PLD5: variants seen among roughly 807,000 people sequenced by gnomAD.
The protein encoded by PLD5 is phospholipase D family member 5.
In PLD5, 36 loss-of-function variants were observed where a neutral mutation model predicts 61.1. That is an observed-to-expected ratio of 0.59 (90% CI 0.45 to 0.78). The LOEUF (loss-of-function observed/expected upper bound fraction) is 0.78, where lower values mean the gene tolerates loss of function less well. Among genes scored for constraint, PLD5 ranks in the 30% least tolerant of loss-of-function variants. The pLI is 0.00. For missense variants in PLD5, 515 were observed against 644.4 expected, an observed-to-expected ratio of 0.80 and a Z score of 2.17; for synonymous variants, 243 against 242.8, an observed-to-expected ratio of 1.00 and a Z score of -0.01.
intron 3 of PLD5, among the ~76,000 whole-genome samples, chr1:242,280,680 C>T (rs1394634940): frequency 6.6e-6 from 1 of 152,064 alleles, no homozygotes; most frequent in Admixed American, 6.6e-5. Flanking sequence ...ACCAACTATG[C>T]CAATCTTTTT....
chr1:242,206,904 T>C (rs1669350978), intron 5 of PLD5, among the ~76,000 whole-genome samples: 1 of 152,174 alleles, frequency 6.6e-6, no homozygotes, highest in Non-Finnish European at 1.5e-5. Flanking sequence ...ATGAGATTTA[T>C]CTTAAGGAAT....
intron 7 of PLD5, among the ~76,000 whole-genome samples, chr1:242,112,720 A>G (rs1049726928): frequency 6.6e-6 from 1 of 152,142 alleles, no homozygotes; most frequent in Non-Finnish European, 1.5e-5. Context: ...GGCACACTTA[A>G]TCATTTAGCC....
In PLD5 at chr1:242,422,968, C is replaced by T. The variant is rs993331427; in HGVS notation, c.190-74726G>A. Among the ~76,000 whole-genome samples the T allele has an allele frequency of 2.6e-5, 4 of 151,808 alleles. No homozygotes were observed. In the East Asian group the frequency reaches 5.8e-4, roughly 22 times the overall value. On this transcript the variant is annotated intron_variant, in intron 1 of 9. Coordinates refer to ENST00000536534, the MANE Select transcript of PLD5 (RefSeq NM_001372062.1). ...GGCTCAAGTGATCCTCCCACCTCAG[C>T]CTCCCTAGTAGCTAGGATTATAGGT...
In PLD5 at chr1:242,256,821, T is replaced by C. The variant is rs142062495; in HGVS notation, c.607+8516A>G. ...ATTAATATCTATCTTTCTATGTATC[T>C]GTCATCTATTTCTTTCTTTCTGTGT... is the stretch of plus-strand genomic sequence containing the variant. On this transcript the variant is annotated intron_variant, in intron 4 of 9. Coordinates refer to ENST00000536534, the MANE Select transcript of PLD5 (RefSeq NM_001372062.1). This position sits in a 1 kb window ranked among gnomAD's most constrained non-coding sequence, Gnocchi z 5.7. Among the ~76,000 whole-genome samples, 637 of 152,072 alleles carry C rather than the reference T, an allele frequency of 4.2e-3. 3 individuals carry two copies. Among genetic ancestry groups the C allele is most frequent in the African/African-American group, 0.012 (477 of 41,472 alleles).
intron 1 of PLD5, among the ~76,000 whole-genome samples, chr1:242,439,560 T>C (rs1480535638): frequency 2.0e-5 from 3 of 152,112 alleles, no homozygotes; most frequent in African/African-American, 4.8e-5. Flanking sequence ...TCCATAAATA[T>C]CTACTGGAGA....
At chr1:242,235,077 G>A (rs192062624) in intron 4 of PLD5, among the ~76,000 whole-genome samples, 8 of 152,268 alleles carry the variant, frequency 5.3e-5, no homozygotes, top group African/African-American at 1.2e-4. Context: ...AAGCACCTGC[G>A]TGACAAAAGT....
chr1:242,351,167 C>T (rs966113269), intron 1 of PLD5, among the ~76,000 whole-genome samples: 40 of 152,180 alleles, frequency 2.6e-4, no homozygotes, highest in African/African-American at 8.4e-4. Flanking sequence ...TCCCAAAGTG[C>T]CGGGATTACA....
chr1:242,121,076 T>C (rs935524049), intron 6 of PLD5, among the ~76,000 whole-genome samples: 2 of 152,202 alleles, frequency 1.3e-5, no homozygotes, highest in Non-Finnish European at 2.9e-5. Context: ...AAATATACTA[T>C]TTTAAGATAC....
chr1:242,438,503 G>C (rs1666119101), intron 1 of PLD5, among the ~76,000 whole-genome samples: 1 of 142,802 alleles, frequency 7.0e-6, no homozygotes, highest in African/African-American at 2.6e-5. Flanking sequence ...GGAGTGTAAT[G>C]GTGCAATCTT....
chr1:242,520,130 A>G (rs76072897), intron 1 of PLD5, among the ~76,000 whole-genome samples: 123 of 152,264 alleles, frequency 8.1e-4, no homozygotes, highest in African/African-American at 2.9e-3. Context: ...GCCAATACAC[A>G]TGAGTCATAT....
chr1:242,253,514 T>C (rs1398849694), intron 4 of PLD5, among the ~76,000 whole-genome samples: 2 of 150,632 alleles, frequency 1.3e-5, no homozygotes, highest in Admixed American at 1.3e-4. Flanking sequence ...GGGGTTTCAC[T>C]GTGTTAGCCA....
chr1:242,393,510 GTATATATATATGTGTATATATGTGAGTA>G (rs1663088416), intron 1 of PLD5, among the ~76,000 whole-genome samples: 2 of 68,618 alleles, frequency 2.9e-5, no homozygotes, highest in African/African-American at 1.4e-4. Flanking sequence ...GTATATATGA[GTATATATATATGTGTATATATGTGAGTA>G]TATATATGTG....
intron 5 of PLD5, among the ~76,000 whole-genome samples, chr1:242,166,837 C>T (rs543615111): frequency 6.6e-6 from 1 of 152,052 alleles, no homozygotes; most frequent in Non-Finnish European, 1.5e-5. Flanking sequence ...TGGAGAAATT[C>T]ATCCTTCTTT....
At chr1:242,319,038 C>T (rs1203810977) in intron 2 of PLD5, among the ~76,000 whole-genome samples, 4 of 152,104 alleles carry the variant, frequency 2.6e-5, no homozygotes, top group Admixed American at 2.0e-4. Context: ...AGAATTGGGG[C>T]AGGAGGGGCT....
chr1:242,508,975 G>T (rs1668818023), intron 1 of PLD5, among the ~76,000 whole-genome samples: 1 of 152,144 alleles, frequency 6.6e-6, no homozygotes, highest in African/African-American at 2.4e-5. Flanking sequence ...TAGCTACTCA[G>T]GGGGCTGAGG....
In PLD5 at chr1:242,265,307, G is replaced by A. The variant is rs138354453; in HGVS notation, c.607+30C>T. The A allele has an allele frequency of 1.9e-4, 310 of 1,591,650 alleles. 1 individual carries two copies. The African/African-American group carries it at 2.0e-3, about 11-fold the overall frequency. ...AAGGTATCTTAACAGAACACCCAGC[G>A]GTAGAATAGCATATCAACCTTGGTC... On this transcript the variant is annotated intron_variant, in intron 4 of 9. Transcript: ENST00000536534.
intron 5 of PLD5, among the ~76,000 whole-genome samples, chr1:242,198,701 C>CAAAAAAAA (rs10603005): frequency 7.8e-5 from 4 of 51,556 alleles, no homozygotes; most frequent in African/African-American, 2.5e-4. Context: ...AAGTCCTTAG[C>CAAAAAAAA]AAAAAAAAAA....
chr1:242,403,762 A>G (rs1470828971), intron 1 of PLD5, among the ~76,000 whole-genome samples: 1 of 152,084 alleles, frequency 6.6e-6, no homozygotes, highest in Non-Finnish European at 1.5e-5. Flanking sequence ...CATGTCTGGA[A>G]GCTCCTGGGT....
intron 4 of PLD5, among the ~76,000 whole-genome samples, chr1:242,247,082 C>G (rs564377494): frequency 6.6e-6 from 1 of 151,708 alleles, no homozygotes; most frequent in African/African-American, 2.4e-5. Context: ...CTCCCGGGTT[C>G]ACGCCATTCT....
Sources: allele counts gnomAD v4.1 joint callset (sites outside exome capture counted in the v4.1 genomes callset), GRCh38; gene constraint gnomAD v4.1.1; non-coding constraint Gnocchi (gnomAD v3.1); transcripts MANE v1.5; gene names NCBI Gene and HGNC (gene_info 2026-07-23, HGNC 2026-07-21).